Variants in NCOR2 observed in about 807,000 individuals in gnomAD.
The protein encoded by NCOR2 is nuclear receptor corepressor 2, also known as CTG repeat protein 26.
In NCOR2, 81 loss-of-function variants were observed where a neutral mutation model predicts 262.9. The ratio of observed to expected loss-of-function variants is 0.31; its 90% CI spans 0.26 to 0.37. The LOEUF (loss-of-function observed/expected upper bound fraction) is 0.37. NCOR2 is among the 10% of genes least tolerant of loss of function. The probability of loss-of-function intolerance (pLI) is 1.00; values close to 1 mark genes in which losing one functional copy is unlikely to be tolerated. For synonymous variants in NCOR2, 1,659 were observed against 1,559.3 expected, an observed-to-expected ratio of 1.06 and a Z score of -1.51; for missense variants, 3,385 against 3,621.4, an observed-to-expected ratio of 0.93 and a Z score of 1.68.
chr12:124,368,878 G>C (rs1185507205), intron 20 of NCOR2, among the ~76,000 whole-genome samples: 2 of 152,262 alleles, frequency 1.3e-5, no homozygotes, highest in Non-Finnish European at 2.9e-5. Context: ...CCCGGCGCCT[G>C]GCGCATGCTG....
At chr12:124,360,996 G>A (rs1201657237) in intron 22 of NCOR2, among the ~76,000 whole-genome samples, 4 of 152,078 alleles carry the variant, frequency 2.6e-5, no homozygotes, top group African/African-American at 4.8e-5. Flanking sequence ...CATGGTGCCT[G>A]GGGCCTTGGG....
intron 1 of NCOR2, among the ~76,000 whole-genome samples, chr12:124,507,255 A>G (rs951835279): frequency 2.0e-5 from 3 of 152,220 alleles, no homozygotes; most frequent in African/African-American, 7.2e-5. Context: ...TGCCACATGA[A>G]AAGTGCTGGA....
At chr12:124,324,550 G>A (rs1272710399) in exon 47 of NCOR2, 1 of 152,326 alleles carries the variant, frequency 6.6e-6, no homozygotes, top group African/African-American at 2.4e-5. Flanking sequence ...ACACAGCGGG[G>A]CGTGAGCCAG....
chr12:124,472,484 G>A (rs1479911750), intron 4 of NCOR2, among the ~76,000 whole-genome samples: 1 of 152,078 alleles, frequency 6.6e-6, no homozygotes, highest in Non-Finnish European at 1.5e-5. Flanking sequence ...CCAGAGCCAG[G>A]GGCTGTTTCC....
At chr12:124,363,080 G>C (rs2038743204) in intron 21 of NCOR2, among the ~76,000 whole-genome samples, 2 of 152,272 alleles carry the variant, frequency 1.3e-5, no homozygotes, top group Admixed American at 6.5e-5. Flanking sequence ...GGGTCTCAGG[G>C]AAGCCAGGAC....
intron 38 of NCOR2, 160 bp from the exon 41 acceptor site, chr12:124,335,792 G>T (rs1006106483): frequency 3.8e-5 from 29 of 767,804 alleles, no homozygotes; most frequent in Non-Finnish European, 5.3e-5. Flanking sequence ...GCAGAGAGGG[G>T]TGTTGGGGAG....
chr12:124,346,007 G>A (rs368744305), intron 31 of NCOR2, among the ~76,000 whole-genome samples: 1 of 151,444 alleles, frequency 6.6e-6, no homozygotes, highest in East Asian at 1.9e-4. Context: ...GGGGGACTGG[G>A]GCCTCTTGTG....
chr12:124,354,788 A>T, intron 25 of NCOR2, 49 bp downstream of exon 27: 4 of 1,557,400 alleles, frequency 2.6e-6, no homozygotes, highest in Non-Finnish European at 3.5e-6. Flanking sequence ...CCCACAGGAC[A>T]GCCAGAGCCC....
intron 20 of NCOR2, among the ~76,000 whole-genome samples, chr12:124,367,911 G>A (rs936648189): frequency 4.6e-5 from 7 of 152,238 alleles, no homozygotes; most frequent in Admixed American, 2.0e-4. Flanking sequence ...TGGGATTACA[G>A]GCATGAGCCA....
rs569142194 is a variant in NCOR2, at chr12:124,433,487, C to T, written c.883-2700G>A. Among the ~76,000 whole-genome samples, 14 of 152,342 alleles carry T rather than the reference C, an allele frequency of 9.2e-5. No homozygotes were observed. In the East Asian group the frequency reaches 2.5e-3, roughly 27 times the overall value. On this transcript the variant is annotated intron_variant, in intron 8 of 46. Transcript: ENST00000405201. ...CATTGCCGGCAGGGCGCTGGCAAGA[C>T]GGCCCGGCTCTAGCTGGGTCCCTCG...
intron 5 of NCOR2, among the ~76,000 whole-genome samples, chr12:124,462,048 C>T (rs1176302318): frequency 6.6e-6 from 1 of 152,216 alleles, no homozygotes; most frequent in Admixed American, 6.5e-5. Context: ...TCACCACATG[C>T]TCGTCCCACA....
At chr12:124,342,246 G>A (rs1219158350) in intron 33 of NCOR2, among the ~76,000 whole-genome samples, 172 bp from the exon 36 acceptor site, 2 of 152,178 alleles carry the variant, frequency 1.3e-5, no homozygotes, top group Admixed American at 6.5e-5. Context: ...AAAACATCAC[G>A]CCAGGACACA....
rs1224309076 is a variant in NCOR2 at position 124,457,498 on chromosome 12, C to T, written c.706-336G>A. ...GGGCACCGCTCCCCACCAGCCCAGC[C>T]GACACTGCCAGCCCTGAGATGCCTT... is the stretch of plus-strand genomic sequence containing the variant. On this transcript the variant is annotated intron_variant, in intron 5 of 46. Coordinates refer to ENST00000405201, the Ensembl canonical transcript of NCOR2. This position sits in a 1 kb window ranked among gnomAD's most constrained non-coding sequence, Gnocchi z 4.0. 4.6e-5 allele frequency among the ~76,000 whole-genome samples: 7 copies of T among 152,234 alleles called. No individual in the cohort carries two copies. Among genetic ancestry groups the T allele is most frequent in the African/African-American group, 9.6e-5 (4 of 41,554 alleles).
rs1472840 is a variant in NCOR2, at chr12:124,333,260, T to G, written c.6625A>C (p.Thr2209Pro). 3,105 of 1,609,450 alleles carry G rather than the reference T, an allele frequency of 1.9e-3. 54 individuals are homozygous for G. The African/African-American group carries it at 0.036, about 19-fold the overall frequency. Residue 2209 changes from threonine to proline, a missense_variant, in exon 42 of 47, where the codon ACG (threonine) becomes CCG (proline). Around this residue, in one of 5 missense-constraint regions of NCOR2, gnomAD observed 1,017 missense variants for 967.2 expected, o/e 1.05. Coordinates refer to ENST00000405201, the Ensembl canonical transcript of NCOR2. ...TCCTCACCACCACCCAAGACCGACGTCTTGTTTGGCTCTGGAGACCTGGAT... is the reference window on the plus strand; with the variant it reads ...TCCTCACCACCACCCAAGACCGACGGCTTGTTTGGCTCTGGAGACCTGGAT...
rs778277071 is a variant in NCOR2, at chr12:124,378,463, C to T, written c.2020-79G>A. ...GGACTCCCCATGCCTGGGGCCTCGC[C>T]GCAGGTGCAAAGGGCAGTGATCCCG... On this transcript the variant is annotated intron_variant, in intron 17 of 46. Coordinates refer to ENST00000405201, the Ensembl canonical transcript of NCOR2. This position sits in a 1 kb window ranked among gnomAD's most constrained non-coding sequence, Gnocchi z 4.2. 1.4e-5 allele frequency: 20 copies of T among 1,431,716 alleles called. No individual in the cohort carries two copies. Among genetic ancestry groups the T allele is most frequent in the Non-Finnish European group, 1.8e-5 (19 of 1,071,648 alleles). The allele number at this position is 1,431,716 out of a possible 1,614,324, so 88.7% of individuals were successfully genotyped here. A position where few individuals can be genotyped will look rare whatever the true frequency, so the allele number is the denominator to read the frequency against.
At position 124,454,379 on chromosome 12, in the gene NCOR2, A is replaced by G. The variant is rs896990202; in HGVS notation, c.762+2727T>C. Among the ~76,000 whole-genome samples the G allele has an allele frequency of 3.9e-5, 6 of 152,154 alleles. No homozygotes were observed. The highest frequency in any genetic ancestry group is 1.4e-4 in the African/African-American group (6 of 41,428). On this transcript the variant is annotated intron_variant, in intron 6 of 46. Coordinates refer to ENST00000405201, the Ensembl canonical transcript of NCOR2. The surrounding 1 kb of genome is among the most constrained non-coding windows in gnomAD (Gnocchi z 5.6). Reference sequence around the variant, plus strand: ...GGAAGCCTCTGCTCTGAGATCCCCAAGTGGAAGACAACCCCGTCCCCTTGT... The same window carrying G: ...GGAAGCCTCTGCTCTGAGATCCCCAGGTGGAAGACAACCCCGTCCCCTTGT...
At position 124,378,404 on chromosome 12, in the gene NCOR2, C is replaced by G. The variant is rs2040176274; in HGVS notation, c.2020-20G>C. ...CTTCTCCTGGGGCACAGGGAAGCAG[C>G]AGATCAGGACTGGGGCCTGGGCTGT... On this transcript the variant is annotated intron_variant, in intron 17 of 46. Coordinates refer to ENST00000405201, the Ensembl canonical transcript of NCOR2. This position sits in a 1 kb window ranked among gnomAD's most constrained non-coding sequence, Gnocchi z 4.2. 1 of 1,602,682 alleles carries G rather than the reference C, an allele frequency of 6.2e-7. No homozygotes were observed. The highest frequency in any genetic ancestry group is 8.5e-7 in the Non-Finnish European group (1 of 1,175,948).
chr12:124,539,382 C>T (rs76913819), upstream of NCOR2: 1,963 of 152,968 alleles, frequency 0.013, 34 homozygotes, highest in Admixed American at 0.038. This position sits in a 1 kb window ranked among gnomAD's most constrained non-coding sequence, Gnocchi z 5.1. Flanking sequence ...GCCCACTGGC[C>T]GGCTCCGTGG....
At chr12:124,344,668 G>A (rs1241309144) in exon 32 of NCOR2, 15 of 1,500,960 alleles carry the variant, frequency 1.0e-5, no homozygotes, top group Admixed American at 2.2e-5. Flanking sequence ...GGCAAAGGGT[G>A]CCCCGTGGTC....
Sources: gnomAD v4.1 joint callset for allele counts (sites outside exome capture counted in the v4.1 genomes callset) on GRCh38, gnomAD v4.1.1 for gene constraint, gnomAD v4.1.1 regional missense constraint, Gnocchi (gnomAD v3.1) non-coding constraint, MANE v1.5 for transcripts, NCBI Gene and HGNC (gene_info 2026-07-23, HGNC 2026-07-21) for gene names.